SGMS1: variants seen among roughly 807,000 people sequenced by gnomAD.
SGMS1 encodes the protein phosphatidylcholine:ceramide cholinephosphotransferase 1.
Under a neutral mutation model 46.2 loss-of-function variants are expected in SGMS1, and 13 were observed. That is an observed-to-expected ratio of 0.28 (90% CI 0.18 to 0.45). The LOEUF (loss-of-function observed/expected upper bound fraction) is 0.45, where lower values mean the gene tolerates loss of function less well. Ranked by LOEUF, SGMS1 falls within the 20% of genes least tolerant of loss-of-function variation. The pLI is 1.00. For missense variants in SGMS1, 324 were observed against 519.9 expected (o/e 0.62, Z 3.66); for synonymous variants, 203 against 187.8 (o/e 1.08, Z -0.66).
chr10:50,428,140 G>GT (rs769743580), intron 6 of SGMS1, among the ~76,000 whole-genome samples: 1 of 152,088 alleles, frequency 6.6e-6, no homozygotes, highest in Non-Finnish European at 1.5e-5. Context: ...TAACAATGGA[G>GT]TGAGGCTTAA....
chr10:50,562,519 CTT>C (rs1838249520), intron 2 of SGMS1, among the ~76,000 whole-genome samples: 2 of 152,168 alleles, frequency 1.3e-5, no homozygotes, highest in Non-Finnish European at 2.9e-5. Context: ...AGTTACATCT[CTT>C]TTAAATCACA....
chr10:50,496,732 A>AAATTCATTAT (rs1219737733), intron 3 of SGMS1, among the ~76,000 whole-genome samples: 1 of 152,182 alleles, frequency 6.6e-6, no homozygotes, highest in Non-Finnish European at 1.5e-5. Flanking sequence ...ACCAGTACCT[A>AAATTCATTAT]GGCCTGGCTA....
At chr10:50,624,691 C>T (rs12248247), upstream of SGMS1, 1 of 985,398 alleles carries the variant, frequency 1.0e-6, no homozygotes, top group Non-Finnish European at 1.2e-6. Flanking sequence ...AGTAGCCCCA[C>T]GTGGTGCAAG....
At chr10:50,579,867 T>C (rs1838416876) in intron 2 of SGMS1, among the ~76,000 whole-genome samples, 1 of 152,204 alleles carries the variant, frequency 6.6e-6, no homozygotes, top group Non-Finnish European at 1.5e-5. Flanking sequence ...GATCCCAAGA[T>C]GTGGTACACA....
intron 2 of SGMS1, among the ~76,000 whole-genome samples, chr10:50,532,439 C>G (rs1837963682): frequency 6.6e-6 from 1 of 152,088 alleles, no homozygotes; most frequent in Non-Finnish European, 1.5e-5. Context: ...TCATATCCAT[C>G]TCAATTTTTA....
intron 2 of SGMS1, among the ~76,000 whole-genome samples, chr10:50,542,850 C>T (rs1422491390): frequency 2.8e-5 from 4 of 145,420 alleles, no homozygotes; most frequent in African/African-American, 5.1e-5. Context: ...TAATGTAATG[C>T]CAAGTGCAAA....
intron 1 of SGMS1, 155 bp downstream of exon 1, chr10:50,623,552 G>A (rs1838878111): frequency 3.1e-6 from 3 of 980,840 alleles, no homozygotes; most frequent in Non-Finnish European, 2.4e-6. Context: ...TGCCCGCCAG[G>A]TACGCGCGCG....
At chr10:50,602,735 T>C (rs1392385130) in intron 1 of SGMS1, among the ~76,000 whole-genome samples, 4 of 152,384 alleles carry the variant, frequency 2.6e-5, no homozygotes, top group African/African-American at 9.6e-5. Flanking sequence ...TATATATGCA[T>C]TTATTGTATT....
chr10:50,479,436 C>G lies in SGMS1; in HGVS notation c.-497-12504G>C, dbSNP rs183357559. ...GTCCCTTAGGAGTCCCAAGGCAAAA[C>G]AGAAATCTAGCAAAACTCTTGGATA... On this transcript the variant is annotated intron_variant, in intron 3 of 10. Transcript: ENST00000361781. Among the ~76,000 whole-genome samples, 36 of 152,252 alleles carry G rather than the reference C, an allele frequency of 2.4e-4. 1 individual carries two copies. The East Asian group carries it at 6.2e-3, about 26-fold the overall frequency.
At chr10:50,341,178 G>A in intron 7 of SGMS1, 1 of 343,124 alleles carries the variant, frequency 2.9e-6, no homozygotes, top group Non-Finnish European at 5.8e-6. Context: ...TAAATAACTA[G>A]AAACAAAGGG....
intron 6 of SGMS1, among the ~76,000 whole-genome samples, chr10:50,411,934 C>T (rs1204484805): frequency 6.6e-6 from 1 of 152,206 alleles, no homozygotes; most frequent in African/African-American, 2.4e-5. Flanking sequence ...TAATGAAGGC[C>T]TCTAAGCACT....
intron 6 of SGMS1, among the ~76,000 whole-genome samples, chr10:50,417,125 C>T (rs753358356): frequency 3.9e-5 from 6 of 152,158 alleles, no homozygotes; most frequent in Non-Finnish European, 7.4e-5. Context: ...ATGATAACTT[C>T]CCTGTTGCAT....
At chr10:50,448,741 CCA>C (rs1837059326) in intron 5 of SGMS1, among the ~76,000 whole-genome samples, 1 of 22,146 alleles carries the variant, frequency 4.5e-5, no homozygotes, top group Non-Finnish European at 8.0e-5. Flanking sequence ...TGAAACTCCG[CCA>C]AAAAAAAAAA....
At chr10:50,499,908 C>A (rs1837647140) in intron 3 of SGMS1, among the ~76,000 whole-genome samples, 1 of 152,232 alleles carries the variant, frequency 6.6e-6, no homozygotes, top group Non-Finnish European at 1.5e-5. Context: ...GTGGCTCACG[C>A]CTGTAATCCC....
chr10:50,406,704 C>CTTTTTT (rs11424535), intron 6 of SGMS1, among the ~76,000 whole-genome samples: 7 of 145,028 alleles, frequency 4.8e-5, no homozygotes, highest in Non-Finnish European at 6.0e-5. Context: ...AGCTATAATT[C>CTTTTTT]TTTTTTTTTT....
rs140190284 is a variant in SGMS1 at position 50,598,449 on chromosome 10, A to C, written c.-683-8202T>G. On this transcript the variant is annotated intron_variant, in intron 1 of 10. Transcript: ENST00000361781. ...AGAACTATACACTTCCAAAAAGTGA[A>C]TTTTACTGAATTTTAAGTTTTTAAA... Among the ~76,000 whole-genome samples the C allele has an allele frequency of 1.6e-3, 243 of 152,350 alleles. 1 individual carries two copies. Among genetic ancestry groups the C allele is most frequent in the African/African-American group, 5.4e-3 (224 of 41,580 alleles).
intron 9 of SGMS1, 55 bp downstream of exon 9, chr10:50,311,207 G>T: frequency 6.3e-7 from 1 of 1,581,812 alleles, no homozygotes; most frequent in Non-Finnish European, 8.6e-7. Flanking sequence ...CAGAGGACCA[G>T]AGTTCATGAG....
intron 1 of SGMS1, among the ~76,000 whole-genome samples, chr10:50,594,339 T>C (rs1838570403): frequency 6.6e-6 from 1 of 152,186 alleles, no homozygotes; most frequent in Non-Finnish European, 1.5e-5. Flanking sequence ...CAGAGGCTGT[T>C]TTCTTCCTGG....
chr10:50,346,123 T>TA (rs1847908228), intron 6 of SGMS1, among the ~76,000 whole-genome samples: 1 of 152,182 alleles, frequency 6.6e-6, no homozygotes, highest in Non-Finnish European at 1.5e-5. Flanking sequence ...CATAATCCAT[T>TA]ATGTGAGCTT....
Sources: allele counts gnomAD v4.1 joint callset (sites outside exome capture counted in the v4.1 genomes callset), GRCh38; gene constraint gnomAD v4.1.1; transcripts MANE v1.5; gene names NCBI Gene and HGNC (gene_info 2026-07-23, HGNC 2026-07-21).